Variants in TENM3 observed in about 807,000 individuals in gnomAD.
TENM3 encodes teneurin-3.
In TENM3, 63 loss-of-function variants were observed where a neutral mutation model predicts 255.1. The observed-to-expected ratio is 0.25, with a 90% CI of 0.20 to 0.30. The LOEUF (loss-of-function observed/expected upper bound fraction) is 0.30, where lower values mean the gene tolerates loss of function less well. Ranked by LOEUF, TENM3 falls within the 10% of genes least tolerant of loss-of-function variation. The pLI is 1.00. For synonymous variants in TENM3, 1,306 were observed against 1,322.3 expected, an observed-to-expected ratio of 0.99 and a Z score of 0.27; for missense variants, 2,929 against 3,461.1, an observed-to-expected ratio of 0.85 and a Z score of 3.86.
At chr4:182,207,402 CT>C (rs1754656694) in intron 1 of TENM3, among the ~76,000 whole-genome samples, 2 of 152,164 alleles carry the variant, frequency 1.3e-5, no homozygotes. Flanking sequence ...AAGTTATTTA[CT>C]TCATTTTTAA....
chr4:182,042,905 G>A, the TENM3 span, among the ~76,000 whole-genome samples: 2 of 146,340 alleles, frequency 1.4e-5, no homozygotes, highest in South Asian at 2.1e-4. Flanking sequence ...GTGTGTGTGT[G>A]TGTATGAAGC....
chr4:181,847,590 G>A, the TENM3 span, among the ~76,000 whole-genome samples: 18,793 of 151,758 alleles, frequency 0.12, 2,211 homozygotes, highest in African/African-American at 0.3. Context: ...ATAACATATT[G>A]TAATGTATGA....
chr4:182,017,476 G>A, the TENM3 span, among the ~76,000 whole-genome samples: 1 of 152,168 alleles, frequency 6.6e-6, no homozygotes, highest in Non-Finnish European at 1.5e-5. Flanking sequence ...TGTATATAAT[G>A]TTTAGCCTTT....
intron 3 of TENM3, among the ~76,000 whole-genome samples, chr4:182,458,428 A>G (rs13137046): frequency 0.26 from 39,501 of 152,066 alleles, 5,339 homozygotes; most frequent in Non-Finnish European, 0.3. Context: ...TTGGTCAACT[A>G]AAACCTTCCG....
intron 1 of TENM3, among the ~76,000 whole-genome samples, chr4:182,284,279 T>A (rs1760588898): frequency 1.3e-5 from 2 of 152,150 alleles, no homozygotes; most frequent in African/African-American, 4.8e-5. Flanking sequence ...CAAGATTATA[T>A]GTTGCATGAC....
chr4:182,751,030 T>C (rs1647407663), intron 19 of TENM3, among the ~76,000 whole-genome samples: 1 of 152,206 alleles, frequency 6.6e-6, no homozygotes, highest in South Asian at 2.1e-4. Context: ...TAATGGGACA[T>C]AAAATGTTTT....
intron 3 of TENM3, among the ~76,000 whole-genome samples, chr4:182,581,500 G>A (rs1170639961): frequency 6.6e-6 from 1 of 152,150 alleles, no homozygotes; most frequent in African/African-American, 2.4e-5. Flanking sequence ...CACTTTGGGA[G>A]GCCGAGGAGG....
the TENM3 span, among the ~76,000 whole-genome samples, chr4:181,783,662 G>A: frequency 6.6e-6 from 1 of 152,012 alleles, no homozygotes. Flanking sequence ...AAAATATGTA[G>A]CTTTATCTTG....
At chr4:181,474,791 A>AT in the TENM3 span, among the ~76,000 whole-genome samples, 1 of 151,902 alleles carries the variant, frequency 6.6e-6, no homozygotes, top group Non-Finnish European at 1.5e-5. Flanking sequence ...GTGATTTTCA[A>AT]TTTTTCCTTC....
At chr4:182,749,606 T>C (rs924906469) in intron 19 of TENM3, among the ~76,000 whole-genome samples, 1 of 152,174 alleles carries the variant, frequency 6.6e-6, no homozygotes, top group Non-Finnish European at 1.5e-5. Context: ...CTGTGAAATA[T>C]GTATTATTAT....
chr4:181,907,718 G>C, the TENM3 span, among the ~76,000 whole-genome samples: 4 of 152,262 alleles, frequency 2.6e-5, no homozygotes, highest in East Asian at 7.8e-4. Context: ...AGAGGAGGGA[G>C]AATTACTCCC....
At chr4:182,650,168 T>A (rs1753128384) in intron 5 of TENM3, among the ~76,000 whole-genome samples, 1 of 150,480 alleles carries the variant, frequency 6.6e-6, no homozygotes, top group South Asian at 2.2e-4. Flanking sequence ...TGGTTTGAAA[T>A]GCATATTGCA....
the TENM3 span, among the ~76,000 whole-genome samples, chr4:181,829,582 G>T: frequency 3.3e-5 from 5 of 152,200 alleles, no homozygotes; most frequent in Admixed American, 3.3e-4. Flanking sequence ...ATTGGTAAAT[G>T]AAAAGGACAG....
chr4:182,094,043 C>T, the TENM3 span, among the ~76,000 whole-genome samples: 1 of 151,950 alleles, frequency 6.6e-6, no homozygotes, highest in Non-Finnish European at 1.5e-5. Flanking sequence ...AGCCCTGGGC[C>T]CCACAGAGCA....
chr4:182,647,213 T>C (rs1026009199), intron 5 of TENM3, among the ~76,000 whole-genome samples: 2 of 152,208 alleles, frequency 1.3e-5, no homozygotes, highest in Admixed American at 6.5e-5. Context: ...GTTATAATAG[T>C]TTTTGTTTTT....
At chr4:182,731,948 AT>A (rs563700205) in intron 16 of TENM3, among the ~76,000 whole-genome samples, 3 of 151,694 alleles carry the variant, frequency 2.0e-5, no homozygotes, top group East Asian at 1.9e-4. Flanking sequence ...AGCCAAGCTA[AT>A]TTTTTGTATT....
chr4:182,473,235 T>C (rs1419659306), intron 3 of TENM3, among the ~76,000 whole-genome samples: 1 of 152,238 alleles, frequency 6.6e-6, no homozygotes, highest in Non-Finnish European at 1.5e-5. Flanking sequence ...GGAAAATGTC[T>C]ATGGCTTCAA....
intron 1 of TENM3, among the ~76,000 whole-genome samples, chr4:182,173,674 A>C (rs932308600): frequency 6.6e-6 from 1 of 152,112 alleles, no homozygotes; most frequent in Admixed American, 6.6e-5. Flanking sequence ...CTTGATTAGG[A>C]GGAAATGGGT....
At chr4:181,478,250 A>T in the TENM3 span, among the ~76,000 whole-genome samples, 1 of 152,252 alleles carries the variant, frequency 6.6e-6, no homozygotes, top group Non-Finnish European at 1.5e-5. Flanking sequence ...GTTTATTTTA[A>T]TGTAACATTA....
Sources: gnomAD v4.1 joint callset for allele counts (sites outside exome capture counted in the v4.1 genomes callset) on GRCh38, gnomAD v4.1.1 for gene constraint, MANE v1.5 for transcripts, NCBI Gene and HGNC (gene_info 2026-07-23, HGNC 2026-07-21) for gene names.